The following HIBCH variants were observed in gnomAD, a reference collection of about 807,000 sequenced individuals.
HIBCH encodes the protein 3-hydroxyisobutyryl-CoA hydrolase, mitochondrial.
In HIBCH, 50 loss-of-function variants were observed where a neutral mutation model predicts 58.2. The ratio of observed to expected loss-of-function variants is 0.86; its 90% CI spans 0.68 to 1.09. The LOEUF is 1.09. Ranked by LOEUF, HIBCH falls within the 50% of genes least tolerant of loss-of-function variation. HIBCH has a pLI of 0.00. For missense variants in HIBCH, 450 were observed against 449.7 expected (o/e 1.00, Z -0.01); for synonymous variants, 151 against 146.9 (o/e 1.03, Z -0.20).
intron 1 of HIBCH, among the ~76,000 whole-genome samples, chr2:190,319,319 G>A (rs749791098): frequency 5.9e-5 from 9 of 152,356 alleles, no homozygotes; most frequent in Non-Finnish European, 1.0e-4. Flanking sequence ...GGCAGAGAGA[G>A]GTGCAGCAAC....
downstream of HIBCH, chr2:190,200,130 T>TGA (rs770394332): frequency 1.2e-6 from 2 of 1,613,784 alleles, no homozygotes; most frequent in East Asian, 4.5e-5. Flanking sequence ...TTCCATACAT[T>TGA]GAGAGTGAGG....
intron 2 of HIBCH, among the ~76,000 whole-genome samples, chr2:190,303,561 T>C (rs902469359): frequency 2.6e-5 from 4 of 152,234 alleles, no homozygotes; most frequent in Admixed American, 1.3e-4. Flanking sequence ...TATTAGATGA[T>C]AGCCCAAAGA....
intron 1 of HIBCH, among the ~76,000 whole-genome samples, chr2:190,194,822 A>G (rs1689893927): frequency 6.6e-6 from 1 of 152,022 alleles, no homozygotes; most frequent in African/African-American, 2.4e-5. Context: ...CTTAGTAATA[A>G]GTATTTGAGG....
At chr2:190,227,707 A>C (rs1409679376) in intron 11 of HIBCH, among the ~76,000 whole-genome samples, 1 of 152,232 alleles carries the variant, frequency 6.6e-6, no homozygotes, top group African/African-American at 2.4e-5. Flanking sequence ...CAAATTTACA[A>C]GAAAAAAAAT....
In HIBCH at chr2:190,207,289, T is replaced by C. The variant is rs181814742; in HGVS notation, c.1045+1591A>G. Among the ~76,000 whole-genome samples the C allele has an allele frequency of 3.4e-3, 524 of 152,324 alleles. 3 individuals are homozygous for C. The highest frequency in any genetic ancestry group is 4.9e-3 in the Non-Finnish European group (335 of 68,042). On this transcript the variant is annotated intron_variant, in intron 13 of 13. Transcript: ENST00000359678. The surrounding 1 kb of genome is among the most constrained non-coding windows in gnomAD (Gnocchi z 4.5). Reference sequence around the variant, plus strand: ...CTATTATAACATATAATGAATACTTTAACAATATAACCCTGTATGCTTACA... The same window carrying C: ...CTATTATAACATATAATGAATACTTCAACAATATAACCCTGTATGCTTACA...
chr2:190,200,868 AGGGGTACCT>A (rs1690215360), downstream of HIBCH: 1 of 167,070 alleles, frequency 6.0e-6, no homozygotes, highest in African/African-American at 2.4e-5. Context: ...GAAAACAAGT[AGGGGTACCT>A]TTTACAAAGA....
chr2:190,228,770 T>C lies in HIBCH; in HGVS notation c.892-15695A>G, dbSNP rs188276364. Among the ~76,000 whole-genome samples the C allele has an allele frequency of 6.3e-3, 956 of 152,290 alleles. 9 individuals carry two copies. Among genetic ancestry groups the C allele is most frequent in the African/African-American group, 0.022 (908 of 41,562 alleles). On this transcript the variant is annotated intron_variant, in intron 11 of 13. Coordinates refer to ENST00000359678, the MANE Select transcript of HIBCH (RefSeq NM_014362.4). ...AAAGATTAGGGGGAAGGAAAATCAG[T>C]TGTCTCCTATTGTCAAAGAGACAAC...
At chr2:190,268,854 A>T (rs1687312935) in intron 6 of HIBCH, among the ~76,000 whole-genome samples, 1 of 152,192 alleles carries the variant, frequency 6.6e-6, no homozygotes. Flanking sequence ...AAAGTAACCA[A>T]AACAGCATGG....
chr2:190,265,356 G>T (rs1254962041), intron 6 of HIBCH, among the ~76,000 whole-genome samples: 6 of 151,758 alleles, frequency 4.0e-5, no homozygotes, highest in African/African-American at 9.7e-5. Context: ...GATTAATACA[G>T]TTGAGAGCTT....
At chr2:190,301,628 ACTGT>A (rs1320037825) in intron 2 of HIBCH, among the ~76,000 whole-genome samples, 2 of 152,184 alleles carry the variant, frequency 1.3e-5, no homozygotes, top group Non-Finnish European at 2.9e-5. Context: ...CACAAACACA[ACTGT>A]CTTAGTCCAT....
rs761861836 is a variant in HIBCH, at chr2:190,319,773, G to A, written c.-23C>T. 1.2e-6 allele frequency: 2 copies of A among 1,607,864 alleles called. No homozygotes were observed. Among genetic ancestry groups the A allele is most frequent in the Middle Eastern group, 1.7e-4 (1 of 6,060 alleles). On this transcript the variant is annotated 5_prime_UTR_variant, in exon 1 of 14. Transcript: ENST00000359678. ...CATCGCCAAACACTCCGAAGCTAAA[G>A]CAGCAGAGCGAGAATCTCCCGGACC...
chr2:190,203,866 C>T (rs1690322201), downstream of HIBCH: 2 of 152,008 alleles, frequency 1.3e-5, no homozygotes, highest in Non-Finnish European at 2.9e-5. Context: ...TTTATTCTTA[C>T]AAACCTGAAG....
At chr2:190,319,593 C>T (rs773569758) in intron 1 of HIBCH, 123 bp downstream of exon 1, 2 of 824,526 alleles carry the variant, frequency 2.4e-6, no homozygotes, top group African/African-American at 1.7e-5. Context: ...GTTGGGGTCT[C>T]ACAGCGGCGC....
intron 1 of HIBCH, among the ~76,000 whole-genome samples, chr2:190,192,654 T>G (rs1386610487): frequency 6.6e-6 from 1 of 152,090 alleles, no homozygotes; most frequent in Non-Finnish European, 1.5e-5. Flanking sequence ...TGAACAGCAT[T>G]TGTCTGTTTG....
Position 190,205,247 on chromosome 2 carries a change from T to C in HIBCH, c.1046-15A>G, listed in dbSNP as rs779022259. The C allele has an allele frequency of 1.5e-6, 2 of 1,323,470 alleles. No individual in the cohort carries two copies. Among genetic ancestry groups the C allele is most frequent in the Admixed American group, 3.4e-5 (2 of 59,212 alleles). 82.0% of individuals were successfully genotyped at this position (1,323,470 alleles called of 1,614,324 possible). A position where few individuals can be genotyped will look rare whatever the true frequency, so the allele number is the denominator to read the frequency against. On this transcript the variant is annotated splice_polypyrimidine_tract_variant and intron_variant, in intron 13 of 13. Coordinates refer to ENST00000359678, the MANE Select transcript of HIBCH (RefSeq NM_014362.4). ...ATCAATTAAAACTGTCAAGAGAAGA[T>C]ACAAATGTTAATACCATTATTTTTG...
chr2:190,275,329 T>C (rs1054078521), intron 6 of HIBCH, among the ~76,000 whole-genome samples: 1 of 152,188 alleles, frequency 6.6e-6, no homozygotes, highest in African/African-American at 2.4e-5. Context: ...CTGTTCTATA[T>C]CTACTTAATT....
chr2:190,220,099 G>C (rs375306326), intron 11 of HIBCH, among the ~76,000 whole-genome samples: 2 of 152,152 alleles, frequency 1.3e-5, no homozygotes, highest in East Asian at 3.8e-4. Context: ...TGGCTATAAT[G>C]CTATGCCACT....
chr2:190,191,292 A>G (rs1329880711), intron 1 of HIBCH, among the ~76,000 whole-genome samples: 4 of 152,048 alleles, frequency 2.6e-5, no homozygotes, highest in Non-Finnish European at 5.9e-5. Context: ...ACAGGTGTGC[A>G]CCACTATGCC....
At chr2:190,300,685 T>G (rs1422345973) in intron 2 of HIBCH, among the ~76,000 whole-genome samples, 1 of 152,334 alleles carries the variant, frequency 6.6e-6, no homozygotes, top group East Asian at 1.9e-4. Flanking sequence ...TTTTTGGTTT[T>G]GTTGCAATTG....
Sources: allele counts gnomAD v4.1 joint callset (sites outside exome capture counted in the v4.1 genomes callset), GRCh38; gene constraint gnomAD v4.1.1; non-coding constraint Gnocchi (gnomAD v3.1); transcripts MANE v1.5; gene names NCBI Gene and HGNC (gene_info 2026-07-23, HGNC 2026-07-21).